WDFY3: variants seen among roughly 807,000 people sequenced by gnomAD.
WDFY3 encodes the protein WD repeat and FYVE domain-containing protein 3.
WDFY3 carries 66 observed loss-of-function variants against 409.6 expected under a neutral mutation model. The observed-to-expected ratio is 0.16, with a 90% CI of 0.13 to 0.20. The LOEUF (loss-of-function observed/expected upper bound fraction) is 0.20, where lower values mean the gene tolerates loss of function less well. Ranked by LOEUF, WDFY3 falls within the 10% of genes least tolerant of loss-of-function variation. The pLI, the probability that WDFY3 is intolerant of heterozygous loss-of-function variation, is 1.00. For missense variants in WDFY3, 3,031 were observed against 4,298.1 expected (o/e 0.71, Z 8.24); for synonymous variants, 1,521 against 1,537.1 (o/e 0.99, Z 0.25).
intron 3 of WDFY3, among the ~76,000 whole-genome samples, chr4:84,888,747 C>T (rs1352773998): frequency 6.6e-6 from 1 of 152,062 alleles, no homozygotes; most frequent in Admixed American, 6.6e-5. Context: ...TTTTGGACAT[C>T]CAGCTGTCAA....
intron 5 of WDFY3, among the ~76,000 whole-genome samples, chr4:84,844,102 T>C (rs1039769211): frequency 2.0e-5 from 3 of 152,134 alleles, no homozygotes; most frequent in Admixed American, 2.0e-4. Flanking sequence ...AAGTAAAGAA[T>C]GCGGACAATC....
At chr4:84,768,901 CG>C (rs1485117374) in intron 30 of WDFY3, among the ~76,000 whole-genome samples, 2 of 152,096 alleles carry the variant, frequency 1.3e-5, no homozygotes, top group African/African-American at 4.8e-5. Context: ...CCACTTTAGA[CG>C]CCATTAAGAA....
chr4:84,921,360 T>C (rs1235908806), intron 2 of WDFY3, among the ~76,000 whole-genome samples: 1 of 151,036 alleles, frequency 6.6e-6, no homozygotes, highest in Non-Finnish European at 1.5e-5. Flanking sequence ...AAGTAGAAAA[T>C]TGAAAAGAAG....
In WDFY3 at chr4:84,708,900, A is replaced by C; in HGVS notation, c.8217+9T>G. 6.2e-7 allele frequency: 1 copy of C among 1,609,790 alleles called. No individual in the cohort carries two copies. Among genetic ancestry groups the C allele is most frequent in the Non-Finnish European group, 8.5e-7 (1 of 1,178,570 alleles). ...GTGTTCTACGTAAGCAAAATGACTT[A>C]AGATTTACCTCTGAGTCATAATCTG... On this transcript the variant is annotated intron_variant, in intron 53 of 67. Coordinates refer to ENST00000295888, the MANE Select transcript of WDFY3 (RefSeq NM_014991.6).
At chr4:84,706,393 A>C (rs1731942863) in intron 53 of WDFY3, among the ~76,000 whole-genome samples, 1 of 152,156 alleles carries the variant, frequency 6.6e-6, no homozygotes. Flanking sequence ...ACAAATGTTA[A>C]AGTATGTACA....
Position 84,925,641 on chromosome 4 carries a change from G to T in WDFY3, c.-132+6629C>A, listed in dbSNP as rs115557399. 5.0e-3 allele frequency among the ~76,000 whole-genome samples: 754 copies of T among 152,244 alleles called. 6 individuals carry two copies. Among genetic ancestry groups the T allele is most frequent in the African/African-American group, 0.017 (723 of 41,542 alleles). On this transcript the variant is annotated intron_variant, in intron 2 of 67. Transcript: ENST00000295888. ...TATAAAGGAAGTTTTGAGGACAACT[G>T]GAGAATTAAGATATGGACTGAATTT...
chr4:84,928,355 C>T (rs1313867789), intron 2 of WDFY3, among the ~76,000 whole-genome samples: 1 of 152,194 alleles, frequency 6.6e-6, no homozygotes, highest in South Asian at 2.1e-4. Flanking sequence ...ATGCTACCAG[C>T]TTCCCTGGTT....
intron 1 of WDFY3, among the ~76,000 whole-genome samples, chr4:84,955,754 T>C (rs1212705305): frequency 6.6e-6 from 1 of 152,176 alleles, no homozygotes; most frequent in East Asian, 1.9e-4. Context: ...TTAAAACAGG[T>C]ATATTAAATT....
chr4:84,831,733 A>C, intron 7 of WDFY3, 128 bp from the exon 8 acceptor site: 1 of 771,656 alleles, frequency 1.3e-6, no homozygotes, highest in East Asian at 2.8e-5. Context: ...CAGGTATATG[A>C]AAAAATGCTC....
At chr4:84,680,582 A>T (rs1408041582) in intron 64 of WDFY3, among the ~76,000 whole-genome samples, 2 of 152,238 alleles carry the variant, frequency 1.3e-5, no homozygotes, top group East Asian at 3.8e-4. Flanking sequence ...CTGGAGGGAA[A>T]ATGTATAAGA....
At chr4:84,741,230 A>G (rs1738354514) in intron 38 of WDFY3, among the ~76,000 whole-genome samples, 1 of 152,200 alleles carries the variant, frequency 6.6e-6, no homozygotes, top group South Asian at 2.1e-4. Flanking sequence ...GTAGCAAAGA[A>G]TAATACCTAG....
chr4:84,701,503 C>T (rs1731062866), intron 56 of WDFY3, among the ~76,000 whole-genome samples: 2 of 152,070 alleles, frequency 1.3e-5, no homozygotes, highest in Non-Finnish European at 2.9e-5. Flanking sequence ...TATGTGCTAA[C>T]TCTTACAAAA....
chr4:84,851,411 T>TA (rs1758990673), intron 4 of WDFY3, among the ~76,000 whole-genome samples: 1 of 152,182 alleles, frequency 6.6e-6, no homozygotes, highest in Non-Finnish European at 1.5e-5. Context: ...CTGCCTTTTA[T>TA]AGTAATGCTC....
In WDFY3 at chr4:84,766,282, G is replaced by A. The variant is rs773723277; in HGVS notation, c.4940C>T (p.Thr1647Ile). The change falls in exon 31 of 68, where the codon ACA becomes ATA. Residue 1647 changes from threonine (T) to isoleucine (I), a missense_variant. Thr to Ile is a moderately conservative substitution (Grantham distance 89). Around this residue, in one of 16 missense-constraint regions of WDFY3, gnomAD observed 342 missense variants for 463.7 expected, o/e 0.74. Transcript: ENST00000295888. ...LLDILLKLIY[T>I]SKEKTSINLQ... ...ATTAATGCTTGTCTTTTCTTTAGAT[G>A]TATAAATTAGTTTTAGCAAGATATC... 6.3e-7 allele frequency: 1 copy of A among 1,592,960 alleles called. No homozygotes were observed. The highest frequency in any genetic ancestry group is 1.8e-5 in the Admixed American group (1 of 55,570).
chr4:84,834,587 G>A (rs1016483666), intron 7 of WDFY3, among the ~76,000 whole-genome samples: 2 of 152,182 alleles, frequency 1.3e-5, no homozygotes, highest in African/African-American at 4.8e-5. Context: ...AGAGGCAGAG[G>A]TTGCAGTGAG....
intron 48 of WDFY3, 70 bp downstream of exon 48, chr4:84,718,352 G>GAAAACTGC: frequency 6.7e-7 from 1 of 1,491,056 alleles, no homozygotes; most frequent in Non-Finnish European, 8.9e-7. Context: ...GATTAAAAAA[G>GAAAACTGC]AAAACTGCAA....
rs148342859 is a variant in WDFY3, at chr4:84,829,948, A to C, written c.770-758T>G. ...TATATTATTAGTTTAAAACACAGTT[A>C]TATCTTATCCCTGACTCTGAGGATT... is the stretch of plus-strand genomic sequence containing the variant. On this transcript the variant is annotated intron_variant, in intron 8 of 67. Coordinates refer to ENST00000295888, the MANE Select transcript of WDFY3 (RefSeq NM_014991.6). 7.9e-5 allele frequency among the ~76,000 whole-genome samples: 12 copies of C among 152,186 alleles called. No homozygotes were observed. In the East Asian group the frequency reaches 2.3e-3, roughly 29 times the overall value.
At chr4:84,962,391 G>A (rs1185424606) in intron 1 of WDFY3, among the ~76,000 whole-genome samples, 11 of 152,026 alleles carry the variant, frequency 7.2e-5, no homozygotes, top group Non-Finnish European at 1.3e-4. Context: ...AAGGGAACAC[G>A]AAAGGCTACA....
At chr4:84,806,967 G>A (rs1751621021) in intron 15 of WDFY3, among the ~76,000 whole-genome samples, 1 of 151,938 alleles carries the variant, frequency 6.6e-6, no homozygotes, top group African/African-American at 2.4e-5. Flanking sequence ...GTGGCATTTG[G>A]TTAATACTTA....
Sources: gnomAD v4.1 joint callset for allele counts (sites outside exome capture counted in the v4.1 genomes callset) on GRCh38, gnomAD v4.1.1 for gene constraint, gnomAD v4.1.1 regional missense constraint, MANE v1.5 for transcripts, NCBI Gene and HGNC (gene_info 2026-07-23, HGNC 2026-07-21) for gene names.